SOX5: variants seen among roughly 807,000 people sequenced by gnomAD.
SOX5 encodes the protein transcription factor SOX-5.
Under a neutral mutation model 92.0 loss-of-function variants are expected in SOX5, and 9 were observed. The ratio of observed to expected loss-of-function variants is 0.10; its 90% CI spans 0.06 to 0.17. The LOEUF is 0.17. SOX5 is among the 10% of genes least tolerant of loss of function. The pLI is 1.00. For missense variants in SOX5, 642 were observed against 944.5 expected (o/e 0.68, Z 4.20); for synonymous variants, 344 against 336.3 (o/e 1.02, Z -0.25).
At chr12:24,531,460 A>G (rs1314952453) in intron 1 of SOX5, among the ~76,000 whole-genome samples, 2 of 152,196 alleles carry the variant, frequency 1.3e-5, no homozygotes, top group Non-Finnish European at 2.9e-5. Flanking sequence ...AAAACACATG[A>G]AATATATTGT....
intron 1 of SOX5, among the ~76,000 whole-genome samples, chr12:24,427,395 T>C (rs1966849477): frequency 1.3e-5 from 2 of 152,186 alleles, no homozygotes; most frequent in African/African-American, 4.8e-5. Context: ...TCTTTAAACC[T>C]AGTTGAGGAT....
intron 4 of SOX5, among the ~76,000 whole-genome samples, chr12:24,127,659 A>G (rs1017861167): frequency 1.3e-5 from 2 of 152,138 alleles, no homozygotes; most frequent in African/African-American, 4.8e-5. Context: ...CAAGGCATTT[A>G]CATTTTTAAA....
intron 4 of SOX5, among the ~76,000 whole-genome samples, chr12:24,092,423 G>A (rs950070015): frequency 1.3e-5 from 2 of 151,968 alleles, no homozygotes; most frequent in Non-Finnish European, 2.9e-5. Context: ...TTCTTATTCA[G>A]TCTCAGTAAG....
chr12:24,479,694 C>A (rs1302108178), intron 1 of SOX5, among the ~76,000 whole-genome samples: 1 of 151,620 alleles, frequency 6.6e-6, no homozygotes, highest in Non-Finnish European at 1.5e-5. Context: ...GGGACAGAGT[C>A]TCACTCTGTC....
chr12:24,439,500 T>G (rs1426101190), intron 1 of SOX5, among the ~76,000 whole-genome samples: 1 of 152,238 alleles, frequency 6.6e-6, no homozygotes, highest in South Asian at 2.1e-4. Context: ...CATTTCACTT[T>G]GTTCACTCAA....
intron 10 of SOX5, among the ~76,000 whole-genome samples, chr12:23,566,212 A>C (rs1555162897): frequency 6.6e-6 from 1 of 152,194 alleles, no homozygotes; most frequent in Non-Finnish European, 1.5e-5. Flanking sequence ...TTTCTCCGAA[A>C]ACAAGCAAAT....
chr12:23,621,912 T>G (rs1008940825), intron 8 of SOX5, among the ~76,000 whole-genome samples: 3 of 152,118 alleles, frequency 2.0e-5, no homozygotes, highest in Non-Finnish European at 2.9e-5. Context: ...TTTTTCATAT[T>G]CAGATGACTG....
chr12:24,348,049 C>CAAAAAAAAAAAAAAAAAAAAA (rs1182462748), intron 2 of SOX5, among the ~76,000 whole-genome samples: 4 of 72,722 alleles, frequency 5.5e-5, no homozygotes, highest in African/African-American at 1.4e-4. Context: ...TACAGCTAAT[C>CAAAAAAAAAAAAAAAAAAAAA]AAAAAAAAAA....
At chr12:23,822,183 C>T (rs1367818192) in intron 3 of SOX5, among the ~76,000 whole-genome samples, 1 of 152,034 alleles carries the variant, frequency 6.6e-6, no homozygotes, top group East Asian at 1.9e-4. Flanking sequence ...TTTGTTTGTG[C>T]TTGCTTCTCT....
chr12:24,071,185 A>C (rs373205383), intron 4 of SOX5, among the ~76,000 whole-genome samples: 1 of 152,200 alleles, frequency 6.6e-6, no homozygotes, highest in Non-Finnish European at 1.5e-5. Context: ...TACCATGTAG[A>C]CCATTAAATA....
chr12:24,503,563 T>C (rs1048567935), intron 1 of SOX5, among the ~76,000 whole-genome samples: 12 of 152,096 alleles, frequency 7.9e-5, no homozygotes, highest in African/African-American at 2.9e-4. Flanking sequence ...TAGCAAAGAC[T>C]TGGAACCAAC....
At chr12:24,002,951 C>A (rs1323972985) in intron 4 of SOX5, among the ~76,000 whole-genome samples, 1 of 152,024 alleles carries the variant, frequency 6.6e-6, no homozygotes, top group Non-Finnish European at 1.5e-5. Flanking sequence ...ACTGATCCAG[C>A]AACACATAGA....
chr12:23,931,853 T>C (rs995592319), intron 1 of SOX5, among the ~76,000 whole-genome samples: 1 of 151,652 alleles, frequency 6.6e-6, no homozygotes, highest in Non-Finnish European at 1.5e-5. Context: ...TTACACGGAC[T>C]TTGTAATCAA....
rs116251742 is a variant in SOX5, at chr12:24,125,752, A to C, written c.-2+87591T>G. ...ATCTTAAAAACCTAAAAGAAAACAA[A>C]AATCTTTCCCTGGATATCACTTTAC... On this transcript the variant is annotated intron_variant, in intron 4 of 4. Coordinates refer to the SOX5 transcript ENST00000446891. 2.6e-3 allele frequency among the ~76,000 whole-genome samples: 395 copies of C among 152,282 alleles called. 1 individual carries two copies. Among genetic ancestry groups the C allele is most frequent in the African/African-American group, 8.9e-3 (370 of 41,550 alleles).
chr12:23,626,611 C>T (rs371002338), intron 8 of SOX5, among the ~76,000 whole-genome samples: 42 of 150,678 alleles, frequency 2.8e-4, no homozygotes, highest in African/African-American at 9.0e-4. Context: ...GGAAAGTCCA[C>T]TCACAAGGTG....
At chr12:23,956,488 A>C (rs537752190) in intron 4 of SOX5, among the ~76,000 whole-genome samples, 1 of 152,200 alleles carries the variant, frequency 6.6e-6, no homozygotes, top group East Asian at 1.9e-4. Context: ...TTCACTCTTG[A>C]GAGTCTAATG....
chr12:23,903,522 G>A (rs1216988967), intron 1 of SOX5, among the ~76,000 whole-genome samples: 7 of 152,182 alleles, frequency 4.6e-5, no homozygotes, highest in Admixed American at 4.6e-4. Context: ...GAGCAAGGCT[G>A]CAGTGAGCTA....
chr12:24,017,460 C>T (rs118085930), intron 4 of SOX5, among the ~76,000 whole-genome samples: 6,088 of 151,946 alleles, frequency 0.04, 126 homozygotes, highest in East Asian at 0.067. Flanking sequence ...ATTAGCAGAG[C>T]GTGGTGGTGC....
intron 2 of SOX5, chr12:24,368,176 AAG>A (rs1037866752): frequency 5.2e-4 from 79 of 152,320 alleles, no homozygotes; most frequent in African/African-American, 1.8e-3. Context: ...TAAAAAGCAG[AAG>A]AGTCAATGTT....
Sources: gnomAD v4.1 joint callset for allele counts (sites outside exome capture counted in the v4.1 genomes callset) on GRCh38, gnomAD v4.1.1 for gene constraint, MANE v1.5 for transcripts, NCBI Gene and HGNC (gene_info 2026-07-23, HGNC 2026-07-21) for gene names.